Variants in LOXHD1 observed in about 807,000 individuals in gnomAD.
The protein encoded by LOXHD1 is lipoxygenase homology PLAT domains 1.
LOXHD1 carries 205 observed loss-of-function variants against 248.2 expected under a neutral mutation model. That is an observed-to-expected ratio of 0.83 (90% CI 0.74 to 0.93). The LOEUF (loss-of-function observed/expected upper bound fraction) is 0.93. LOXHD1 is among the 40% of genes least tolerant of loss of function. LOXHD1 has a pLI of 0.00. For synonymous variants in LOXHD1, 1,113 were observed against 1,162.8 expected, an observed-to-expected ratio of 0.96 and a Z score of 0.87; for missense variants, 2,930 against 2,971.6, an observed-to-expected ratio of 0.99 and a Z score of 0.33.
chr18:46,485,985 C>T (rs1158831117), intron 38 of LOXHD1, among the ~76,000 whole-genome samples: 1 of 151,968 alleles, frequency 6.6e-6, no homozygotes, highest in African/African-American at 2.4e-5. Context: ...CCCTCCCCCA[C>T]CCATAGTGGC....
intron 34 of LOXHD1, among the ~76,000 whole-genome samples, chr18:46,517,913 T>C (rs951177953): frequency 3.3e-5 from 5 of 152,288 alleles, no homozygotes; most frequent in South Asian, 2.1e-4. Flanking sequence ...AGAAATGTTA[T>C]GGGTAGAGGT....
At chr18:46,621,066 A>C (rs2038662443) in intron 4 of LOXHD1, among the ~76,000 whole-genome samples, 2 of 152,162 alleles carry the variant, frequency 1.3e-5, no homozygotes, top group Non-Finnish European at 2.9e-5. Flanking sequence ...CCAAGCCAAG[A>C]GATCAGGAAG....
intron 5 of LOXHD1, among the ~76,000 whole-genome samples, chr18:46,616,213 T>C (rs1333720613): frequency 1.3e-5 from 2 of 152,208 alleles, no homozygotes; most frequent in African/African-American, 4.8e-5. Context: ...TGCTTCCCTT[T>C]CTTCATTTCC....
rs1324300142 is a variant in LOXHD1 at position 46,649,210 on chromosome 18, A to G, written c.190T>C (p.Phe64Leu). The change falls in exon 2 of 41, where the codon TTC becomes CTC. Residue 64 changes from phenylalanine to leucine, a missense_variant. Physicochemically the swap from Phe to Leu is conservative, Grantham distance 22 (BLOSUM62 0). Transcript: ENST00000642948. ...VRGAGTDANV[F>L]ITLFGENGLS... ...CCATTCTCTCCAAAAAGCGTGATGA[A>G]GACATTGGCATCCGTCCCTGCACCG... 1.9e-6 allele frequency: 3 copies of G among 1,551,804 alleles called. No homozygotes were observed. The Admixed American group carries it at 5.9e-5, about 30-fold the overall frequency.
intron 3 of LOXHD1, 33 bp downstream of exon 3, chr18:46,641,923 A>G (rs984025410): frequency 6.5e-7 from 1 of 1,538,428 alleles, no homozygotes; most frequent in Non-Finnish European, 8.8e-7. Flanking sequence ...TTTCATCTCC[A>G]CCCTCAATCC....
chr18:46,545,650 G>A (rs1299523014), intron 22 of LOXHD1, among the ~76,000 whole-genome samples: 1 of 50,600 alleles, frequency 2.0e-5, no homozygotes, highest in African/African-American at 1.2e-4. Flanking sequence ...TTTTTTTTGA[G>A]ACGGAGTCTC....
At chr18:46,550,296 G>A (rs4890670) in intron 21 of LOXHD1, among the ~76,000 whole-genome samples, 45,157 of 151,908 alleles carry the variant, frequency 0.3, 7,635 homozygotes, top group East Asian at 0.42. Flanking sequence ...CGTGTGGGCC[G>A]GGCACGGTGG....
chr18:46,580,972 G>C (rs1284952917), intron 12 of LOXHD1, among the ~76,000 whole-genome samples: 1 of 152,186 alleles, frequency 6.6e-6, no homozygotes, highest in Admixed American at 6.5e-5. Flanking sequence ...TGGATACATG[G>C]GGTGTAGCGG....
chr18:46,551,031 C>A (rs889553192), intron 21 of LOXHD1, among the ~76,000 whole-genome samples: 5 of 152,080 alleles, frequency 3.3e-5, no homozygotes, highest in African/African-American at 1.2e-4. Flanking sequence ...CCATTGTCTC[C>A]TCTGGGGGTA....
intron 31 of LOXHD1, among the ~76,000 whole-genome samples, chr18:46,522,615 A>T (rs1173436165): frequency 6.6e-6 from 1 of 152,216 alleles, no homozygotes; most frequent in Non-Finnish European, 1.5e-5. Context: ...CTATTATGTG[A>T]AGGAGGGTAA....
intron 37 of LOXHD1, among the ~76,000 whole-genome samples, chr18:46,495,743 T>C (rs2033821108): frequency 1.3e-5 from 2 of 152,198 alleles, no homozygotes; most frequent in African/African-American, 4.8e-5. Context: ...AAATTCGCCA[T>C]GGAGTGGAAA....
At chr18:46,534,494 C>G (rs1276289332) in intron 26 of LOXHD1, 43 bp from the exon 27 acceptor site, 1 of 1,476,812 alleles carries the variant, frequency 6.8e-7, no homozygotes, top group Non-Finnish European at 9.3e-7. Context: ...CTGAAAGATC[C>G]AGGAAAGTAT....
At chr18:46,480,884 T>C (rs1028117635) in intron 40 of LOXHD1, among the ~76,000 whole-genome samples, 4 of 152,210 alleles carry the variant, frequency 2.6e-5, no homozygotes, top group Non-Finnish European at 5.9e-5. Context: ...GGTTGTGTAT[T>C]AGATATGCTA....
intron 37 of LOXHD1, among the ~76,000 whole-genome samples, chr18:46,492,050 G>T (rs953530824): frequency 6.6e-6 from 1 of 152,212 alleles, no homozygotes; most frequent in East Asian, 1.9e-4. Context: ...TTTTGGGTGT[G>T]ATTGACAGGG....
intron 4 of LOXHD1, among the ~76,000 whole-genome samples, chr18:46,635,843 A>C (rs328196): frequency 0.31 from 46,955 of 151,876 alleles, 8,383 homozygotes; most frequent in East Asian, 0.46. Context: ...ATCAGGCAAA[A>C]CTCTTGAAGA....
Position 46,557,242 on chromosome 18 carries a change from C to T in LOXHD1, c.3350+114G>A, listed in dbSNP as rs1042565214. 3 of 1,261,832 alleles carry T rather than the reference C, an allele frequency of 2.4e-6. No homozygotes were observed. In the African/African-American group the frequency reaches 4.5e-5, roughly 19 times the overall value. 78.2% of individuals were successfully genotyped at this position (1,261,832 alleles called of 1,614,324 possible). A position where few individuals can be genotyped will look rare whatever the true frequency, so the allele number is the denominator to read the frequency against. ...CCTTAGGTGTCACCCAGCCCACCCT[C>T]ACCCTCCACCGTCACAGCCGGCCCA... On this transcript the variant is annotated intron_variant, in intron 21 of 40. Coordinates refer to ENST00000642948, the MANE Select transcript of LOXHD1 (RefSeq NM_001384474.1).
chr18:46,525,956 T>G (rs1568138792), intron 29 of LOXHD1, among the ~76,000 whole-genome samples: 2 of 152,112 alleles, frequency 1.3e-5, no homozygotes, highest in African/African-American at 2.4e-5. Context: ...GACAGACGTC[T>G]CCAGGTGTCA....
chr18:46,560,452 G>C lies in LOXHD1; in HGVS notation c.2692C>G (p.Leu898Val), dbSNP rs1270184877. 3 of 1,543,116 alleles carry C rather than the reference G, an allele frequency of 1.9e-6. No individual in the cohort carries two copies. The Admixed American group carries it at 5.9e-5, about 30-fold the overall frequency. Residue 898 changes from leucine (L) to valine (V), a missense_variant, in exon 19 of 41, where the codon CTG becomes GTG. Coordinates refer to ENST00000642948, the MANE Select transcript of LOXHD1 (RefSeq NM_001384474.1). ...GPSWFVDTVW[L>V]RHLVVREVDL... ...ACCTCCCGCACCACCAGGTGCCGCAGCCACACGGTGTCCACGAACCAGCTG... is the reference window on the plus strand; with the variant it reads ...ACCTCCCGCACCACCAGGTGCCGCACCCACACGGTGTCCACGAACCAGCTG...
chr18:46,541,471 T>G (rs1461084837), intron 25 of LOXHD1, among the ~76,000 whole-genome samples: 1 of 152,232 alleles, frequency 6.6e-6, no homozygotes, highest in Non-Finnish European at 1.5e-5. Flanking sequence ...ATTGCTATCA[T>G]CCTGCATTAT....
Sources: allele counts gnomAD v4.1 joint callset (sites outside exome capture counted in the v4.1 genomes callset), GRCh38; gene constraint gnomAD v4.1.1; transcripts MANE v1.5; gene names NCBI Gene and HGNC (gene_info 2026-07-23, HGNC 2026-07-21).